The following RHCE variants were observed in gnomAD, a reference collection of about 807,000 sequenced individuals.
RHCE encodes the protein blood group Rh(CE) polypeptide.
A neutral mutation model predicts 43.8 loss-of-function variants in RHCE; 22 were observed. The ratio of observed to expected loss-of-function variants is 0.50; its 90% CI spans 0.36 to 0.72. The LOEUF (loss-of-function observed/expected upper bound fraction) is 0.72, where lower values mean the gene tolerates loss of function less well. RHCE is among the 30% of genes least tolerant of loss of function. The pLI, the probability that RHCE is intolerant of heterozygous loss-of-function variation, is 0.00. For missense variants in RHCE, 385 were observed against 525.4 expected, an observed-to-expected ratio of 0.73 and a Z score of 2.61; for synonymous variants, 156 against 210.7, an observed-to-expected ratio of 0.74 and a Z score of 2.25.
rs543916258 is a variant in RHCE, at chr1:25,372,089, T to A, written c.1154-1549A>T. Among the ~76,000 whole-genome samples the A allele has an allele frequency of 1.3e-3, 192 of 150,436 alleles. 1 individual carries two copies. Among genetic ancestry groups the A allele is most frequent in the African/African-American group, 3.6e-3 (147 of 40,748 alleles). ...CAACATTAAACATATTTAGACTTTT[T>A]AAAAAAAAAATCAGAACCATCACTA... On this transcript the variant is annotated intron_variant, in intron 8 of 9. Coordinates refer to ENST00000294413, the MANE Select transcript of RHCE (RefSeq NM_020485.8).
At chr1:25,429,611 G>GCATTAGTAGAA (rs2042834448) in intron 1 of RHCE, among the ~76,000 whole-genome samples, 2 of 152,146 alleles carry the variant, frequency 1.3e-5, no homozygotes, top group East Asian at 3.9e-4. Flanking sequence ...GTTAAAAACA[G>GCATTAGTAGAA]TATGACTACT....
At chr1:25,383,727 C>T (rs1376193134) in intron 7 of RHCE, among the ~76,000 whole-genome samples, 3 of 152,054 alleles carry the variant, frequency 2.0e-5, no homozygotes, top group Admixed American at 2.0e-4. Context: ...TGGTCCTCAA[C>T]TCACTCACCC....
At chr1:25,389,661 G>C (rs1284271096) in intron 5 of RHCE, among the ~76,000 whole-genome samples, 1 of 152,138 alleles carries the variant, frequency 6.6e-6, no homozygotes, top group Non-Finnish European at 1.5e-5. Flanking sequence ...TTAGTCCAGT[G>C]TCTGGCATAG....
At chr1:25,370,162 C>A (rs986225185) in intron 9 of RHCE, among the ~76,000 whole-genome samples, 50 of 151,698 alleles carry the variant, frequency 3.3e-4, no homozygotes, top group Non-Finnish European at 6.3e-4. Context: ...GCATGTCAAA[C>A]TATTTGGCTA....
At chr1:25,370,893 C>T (rs1401803052) in intron 8 of RHCE, among the ~76,000 whole-genome samples, 7 of 148,830 alleles carry the variant, frequency 4.7e-5, no homozygotes, top group East Asian at 2.0e-4. Context: ...AGATTATAGG[C>T]GCCTGCCACC....
chr1:25,380,451 T>C (rs1645958339), intron 7 of RHCE, among the ~76,000 whole-genome samples: 1 of 151,444 alleles, frequency 6.6e-6, no homozygotes, highest in Non-Finnish European at 1.5e-5. Context: ...AGCTCTACCA[T>C]TCTGGGGTCT....
intron 6 of RHCE, among the ~76,000 whole-genome samples, chr1:25,386,163 A>G (rs1324772914): frequency 2.6e-5 from 4 of 152,184 alleles, no homozygotes; most frequent in African/African-American, 9.7e-5. Context: ...ATTTCAGCTG[A>G]TAATTCCTTG....
intron 9 of RHCE, among the ~76,000 whole-genome samples, chr1:25,369,807 C>T (rs567984036): frequency 2.1e-5 from 3 of 139,758 alleles, no homozygotes; most frequent in East Asian, 4.2e-4. Flanking sequence ...GGCGCAATCT[C>T]AGCTCACTGC....
In RHCE at chr1:25,362,550, G is replaced by A. The variant is rs988186229; in HGVS notation, c.1231C>T (p.Pro411Ser). 3.2e-6 allele frequency: 5 copies of A among 1,580,920 alleles called. No individual in the cohort carries two copies. The highest frequency in any genetic ancestry group is 4.3e-6 in the Non-Finnish European group (5 of 1,155,568). ...GCTTAAAATCCAACAGCCAAATGAG[G>A]AAACTGTAAAAGCAAAACAAACATT... ...YFDDQVFWKF[P>S]HLAVGF The change falls in exon 10 of 10, where the codon CCT becomes TCT. Residue 411 changes from proline to serine, a missense_variant. Around this residue, in one of 6 missense-constraint regions of RHCE, gnomAD observed 26 missense variants for 37.1 expected, o/e 0.70. Coordinates refer to ENST00000294413, the MANE Select transcript of RHCE (RefSeq NM_020485.8).
intron 8 of RHCE, among the ~76,000 whole-genome samples, chr1:25,374,255 A>T (rs982559330): frequency 4.6e-5 from 7 of 151,616 alleles, no homozygotes; most frequent in African/African-American, 1.7e-4. Context: ...CGCCTGGCTA[A>T]TTTTTTAATT....
At chr1:25,373,598 A>T (rs1346222816) in intron 8 of RHCE, among the ~76,000 whole-genome samples, 3 of 151,734 alleles carry the variant, frequency 2.0e-5, no homozygotes, top group Non-Finnish European at 4.4e-5. Context: ...CAGTTTGTTA[A>T]AGCTGGAAGG....
At chr1:25,370,324 T>C (rs1391351121) in intron 9 of RHCE, 143 bp downstream of exon 9, 15 of 705,922 alleles carry the variant, frequency 2.1e-5, no homozygotes, top group Non-Finnish European at 3.6e-5. Context: ...TGGATTTGTT[T>C]CTCCTCTAGT....
intron 2 of RHCE, among the ~76,000 whole-genome samples, chr1:25,427,196 C>T (rs933909188): frequency 6.6e-6 from 1 of 152,052 alleles, no homozygotes; most frequent in Non-Finnish European, 1.5e-5. Flanking sequence ...GGGGATTGAA[C>T]GGGCTGACAG....
upstream of RHCE, among the ~76,000 whole-genome samples, chr1:25,422,413 A>G (rs997293178): frequency 2.4e-4 from 36 of 152,228 alleles, no homozygotes; most frequent in African/African-American, 7.5e-4. Context: ...TAGCACACGC[A>G]TAGAAAAAAG....
chr1:25,386,866 C>A (rs1171208280), intron 6 of RHCE, among the ~76,000 whole-genome samples: 2 of 151,416 alleles, frequency 1.3e-5, no homozygotes, highest in African/African-American at 4.9e-5. Flanking sequence ...CACACACACA[C>A]ACACACACAC....
At chr1:25,402,493 T>C (rs937166329) in intron 3 of RHCE, 103 bp downstream of exon 3, 6 of 1,576,300 alleles carry the variant, frequency 3.8e-6, no homozygotes, top group Non-Finnish European at 5.2e-6. Context: ...CCCAAGTAGC[T>C]GGGATTACAG....
intron 6 of RHCE, 53 bp downstream of exon 6, chr1:25,388,923 C>A: frequency 6.2e-7 from 1 of 1,613,940 alleles, no homozygotes; most frequent in Non-Finnish European, 8.5e-7. Context: ...CAGGTCCCAG[C>A]GTCCTGCTGG....
In RHCE at chr1:25,408,876, G is replaced by A. The variant is rs762374934; in HGVS notation, c.149-7C>T. On this transcript the variant is annotated splice_region_variant and splice_polypyrimidine_tract_variant and intron_variant, in intron 1 of 9. Transcript: ENST00000294413. ...ACGGTCAGATCTTGGCCGACTGCTCGGTGGGGAGATGGTGAGAAGGAGGAG... is the reference window on the plus strand; with the variant it reads ...ACGGTCAGATCTTGGCCGACTGCTCAGTGGGGAGATGGTGAGAAGGAGGAG... The A allele has an allele frequency of 6.0e-5, 77 of 1,282,618 alleles. 25 individuals carry two copies. The highest frequency in any genetic ancestry group is 1.7e-4 in the African/African-American group (12 of 72,708). The allele number at this position is 1,282,618 out of a possible 1,614,324, so 79.5% of individuals were successfully genotyped here.
At position 25,407,266 on chromosome 1, in the gene RHCE, CT is replaced by C. The variant is rs1396520207; in HGVS notation, c.335+1416del. Among the ~76,000 whole-genome samples, 2 of 122,436 alleles carry C rather than the reference CT, an allele frequency of 1.6e-5. 1 individual carries two copies. Among genetic ancestry groups the C allele is most frequent in the Admixed American group, 1.8e-4 (2 of 11,224 alleles). The allele number at this position is 122,436 out of a possible 152,430, so 80.3% of individuals were successfully genotyped here. A position where few individuals can be genotyped will look rare whatever the true frequency, so the allele number is the denominator to read the frequency against. ...GAAAAATACATACAGTTTTTTTCCTCTAGGGCCAGTCAGGAGCTGGCTAGAC... is the reference window on the plus strand; with the variant it reads ...GAAAAATACATACAGTTTTTTTCCTCAGGGCCAGTCAGGAGCTGGCTAGAC... On this transcript the variant is annotated intron_variant, in intron 2 of 9. Transcript: ENST00000294413.
Sources: gnomAD v4.1 joint callset for allele counts (sites outside exome capture counted in the v4.1 genomes callset) on GRCh38, gnomAD v4.1.1 for gene constraint, gnomAD v4.1.1 regional missense constraint, MANE v1.5 for transcripts, NCBI Gene and HGNC (gene_info 2026-07-23, HGNC 2026-07-21) for gene names.